SLC13A1: variants seen among roughly 807,000 people sequenced by gnomAD.
The protein encoded by SLC13A1 is Na(+)/sulfate cotransporter.
A neutral mutation model predicts 70.0 loss-of-function variants in SLC13A1; 65 were observed. That is an observed-to-expected ratio of 0.93 (90% CI 0.76 to 1.14). The LOEUF (loss-of-function observed/expected upper bound fraction) is 1.14, where lower values mean the gene tolerates loss of function less well. Ranked by LOEUF, SLC13A1 falls within the 50% of genes most tolerant of loss-of-function variation. SLC13A1 has a pLI of 0.00. For missense variants in SLC13A1, 726 were observed against 717.8 expected (o/e 1.01, Z -0.13); for synonymous variants, 275 against 250.5 (o/e 1.10, Z -0.92).
intron 1 of SLC13A1, among the ~76,000 whole-genome samples, chr7:123,188,914 G>A (rs976608070): frequency 9.2e-5 from 14 of 151,642 alleles, no homozygotes; most frequent in African/African-American, 3.4e-4. Context: ...AGGAGATCGA[G>A]ACCATCCCGG....
At chr7:123,147,393 CA>C (rs1170128096) in intron 6 of SLC13A1, 83 bp from the exon 7 acceptor site, 14 of 1,469,368 alleles carry the variant, frequency 9.5e-6, no homozygotes, top group Middle Eastern at 2.0e-4. Context: ...CCACCCGCAC[CA>C]ATTCATATGT....
At chr7:123,187,674 A>AT (rs1223073956) in intron 1 of SLC13A1, among the ~76,000 whole-genome samples, 14 of 152,208 alleles carry the variant, frequency 9.2e-5, no homozygotes, top group African/African-American at 2.7e-4. Flanking sequence ...GGTTTACTCT[A>AT]TATGTCACTT....
At chr7:123,134,852 G>T (rs1174862039) in intron 7 of SLC13A1, among the ~76,000 whole-genome samples, 1 of 152,128 alleles carries the variant, frequency 6.6e-6, no homozygotes, top group African/African-American at 2.4e-5. Flanking sequence ...CACAAGAAAT[G>T]GGTGTTCATG....
chr7:123,139,552 ATATC>A (rs1456516156), intron 7 of SLC13A1, among the ~76,000 whole-genome samples: 3 of 151,996 alleles, frequency 2.0e-5, no homozygotes, highest in Non-Finnish European at 4.4e-5. Context: ...TGAACATGAA[ATATC>A]TTTCCATTTT....
At chr7:123,127,838 ATTTTTTTTTTTTTT>A (rs201644707) in intron 10 of SLC13A1, among the ~76,000 whole-genome samples, 10 of 106,776 alleles carry the variant, frequency 9.4e-5, no homozygotes, top group Middle Eastern at 5.1e-3. Flanking sequence ...CCAAAATACA[ATTTTTTTTTTTTTT>A]TTTTTTTTTT....
At chr7:123,162,467 A>G (rs567259004) in intron 6 of SLC13A1, among the ~76,000 whole-genome samples, 1 of 152,204 alleles carries the variant, frequency 6.6e-6, no homozygotes, top group Non-Finnish European at 1.5e-5. Flanking sequence ...CCTCGTCTAT[A>G]AACATTCTCT....
intron 2 of SLC13A1, among the ~76,000 whole-genome samples, chr7:123,174,189 A>G (rs1795371528): frequency 6.6e-6 from 1 of 151,980 alleles, no homozygotes; most frequent in African/African-American, 2.4e-5. Context: ...ACATGGGGGC[A>G]CTCAATGAAC....
chr7:123,168,806 T>G (rs1795158278), intron 4 of SLC13A1, among the ~76,000 whole-genome samples: 1 of 152,156 alleles, frequency 6.6e-6, no homozygotes. Context: ...CCAAATAGAA[T>G]GTAGGAATTA....
At chr7:123,135,748 T>G (rs1793929745) in intron 7 of SLC13A1, among the ~76,000 whole-genome samples, 1 of 152,168 alleles carries the variant, frequency 6.6e-6, no homozygotes, top group African/African-American at 2.4e-5. Flanking sequence ...TCATTTTCTT[T>G]GAGCTTATGA....
chr7:123,119,670 C>T (rs1446169547), intron 12 of SLC13A1, among the ~76,000 whole-genome samples: 2 of 151,824 alleles, frequency 1.3e-5, no homozygotes, highest in Non-Finnish European at 2.9e-5. Flanking sequence ...TTCATAGTTA[C>T]CTTTTAAAAT....
chr7:123,130,123 C>T (rs2116318995), intron 8 of SLC13A1, among the ~76,000 whole-genome samples: 1 of 152,238 alleles, frequency 6.6e-6, no homozygotes, highest in Admixed American at 6.5e-5. Flanking sequence ...AGTGCAGGGA[C>T]TGATCATGGT....
chr7:123,114,199 C>T lies in SLC13A1; in HGVS notation c.*1319G>A, dbSNP rs540568676. 1.3e-5 allele frequency: 2 copies of T among 151,670 alleles called. No individual in the cohort carries two copies. Among genetic ancestry groups the T allele is most frequent in the South Asian group, 4.2e-4 (2 of 4,816 alleles). 9.4% of individuals were successfully genotyped at this position (151,670 alleles called of 1,614,324 possible). A position where few individuals can be genotyped will look rare whatever the true frequency, so the allele number is the denominator to read the frequency against. ...TCTGCATCTTTTGCTAACTGTGCACCTTACTTTGTTTTTGATCATTTTTCC... is the reference window on the plus strand; with the variant it reads ...TCTGCATCTTTTGCTAACTGTGCACTTTACTTTGTTTTTGATCATTTTTCC... On this transcript the variant is annotated 3_prime_UTR_variant, in exon 15 of 15. Transcript: ENST00000194130.
At chr7:123,181,212 A>G in intron 1 of SLC13A1, 111 bp from the exon 2 acceptor site, 1 of 1,166,240 alleles carries the variant, frequency 8.6e-7, no homozygotes, top group Non-Finnish European at 1.2e-6. Flanking sequence ...ACGTAAGAAG[A>G]TCTGAAGACC....
chr7:123,166,397 ATT>A (rs58324094), intron 6 of SLC13A1, among the ~76,000 whole-genome samples: 32 of 151,594 alleles, frequency 2.1e-4, no homozygotes, highest in South Asian at 1.7e-3. Context: ...CCATTTCTTT[ATT>A]TTTTTTTATT....
intron 6 of SLC13A1, among the ~76,000 whole-genome samples, chr7:123,160,584 G>C (rs956138133): frequency 6.6e-6 from 1 of 152,112 alleles, no homozygotes; most frequent in Non-Finnish European, 1.5e-5. Flanking sequence ...AGCACAACTA[G>C]TAACTTGATC....
chr7:123,149,396 G>A, intron 6 of SLC13A1: 1 of 446,950 alleles, frequency 2.2e-6, no homozygotes, highest in Non-Finnish European at 4.5e-6. Context: ...AGTCTAAGGT[G>A]GTAGATAGCA....
chr7:123,129,879 T>C (rs1793697267), intron 8 of SLC13A1, among the ~76,000 whole-genome samples: 2 of 152,222 alleles, frequency 1.3e-5, no homozygotes, highest in Non-Finnish European at 2.9e-5. Context: ...ATCTTGGTTG[T>C]TAATTCTTCC....
Position 123,125,606 on chromosome 7 carries a change from A to T in SLC13A1, c.1203T>A (p.Ala401=). 6.2e-7 allele frequency: 1 copy of T among 1,613,120 alleles called. No homozygotes were observed. The highest frequency in any genetic ancestry group is 8.5e-7 in the Non-Finnish European group (1 of 1,179,436). Residue 401 remains alanine, a synonymous_variant, in exon 11 of 15, where the codon GCT becomes GCA. Coordinates refer to ENST00000194130, the MANE Select transcript of SLC13A1 (RefSeq NM_022444.4). ...LIGLLFFLIP[A]KTLTKTTPTG... ...TAGGTGTAGTTTTAGTCAGTGTCTT[A>T]GCTGGGATAAGAAAGAATAGCAGCC...
chr7:123,194,942 C>T (rs773346046), intron 1 of SLC13A1, among the ~76,000 whole-genome samples: 2 of 152,084 alleles, frequency 1.3e-5, no homozygotes, highest in Non-Finnish European at 2.9e-5. Flanking sequence ...TTAATTACGC[C>T]TTCATAGCAC....
Sources: gnomAD v4.1 joint callset for allele counts (sites outside exome capture counted in the v4.1 genomes callset) on GRCh38, gnomAD v4.1.1 for gene constraint, MANE v1.5 for transcripts, NCBI Gene and HGNC (gene_info 2026-07-23, HGNC 2026-07-21) for gene names.